AGBL4: variants seen among roughly 807,000 people sequenced by gnomAD.
The protein encoded by AGBL4 is cytosolic carboxypeptidase 6.
A neutral mutation model predicts 66.4 loss-of-function variants in AGBL4; 58 were observed. The ratio of observed to expected loss-of-function variants is 0.87; its 90% CI spans 0.71 to 1.09. The LOEUF (loss-of-function observed/expected upper bound fraction) is 1.09, where lower values mean the gene tolerates loss of function less well. Among genes scored for constraint, AGBL4 ranks in the 50% least tolerant of loss-of-function variants. AGBL4 has a pLI of 0.00. For missense variants in AGBL4, 579 were observed against 631.0 expected, an observed-to-expected ratio of 0.92 and a Z score of 0.88; for synonymous variants, 234 against 222.9, an observed-to-expected ratio of 1.05 and a Z score of -0.44.
intron 4 of AGBL4, among the ~76,000 whole-genome samples, chr1:49,147,171 A>T (rs1427745260): frequency 3.9e-5 from 6 of 152,180 alleles, no homozygotes. Flanking sequence ...ATTCTGCAGA[A>T]TGACATCTGA....
chr1:48,551,687 T>C (rs931639262), intron 11 of AGBL4, among the ~76,000 whole-genome samples: 1 of 152,120 alleles, frequency 6.6e-6, no homozygotes, highest in Non-Finnish European at 1.5e-5. Context: ...TAACATCTTG[T>C]AGGTTTCTTC....
At chr1:49,610,332 C>A (rs1209921820) in intron 3 of AGBL4, among the ~76,000 whole-genome samples, 1 of 152,112 alleles carries the variant, frequency 6.6e-6, no homozygotes, top group Non-Finnish European at 1.5e-5. Flanking sequence ...CCCCAAGCCA[C>A]ACAGCTAGGG....
At chr1:49,549,307 T>G (rs1652765929) in intron 3 of AGBL4, among the ~76,000 whole-genome samples, 2 of 144,134 alleles carry the variant, frequency 1.4e-5, no homozygotes, top group African/African-American at 4.9e-5. Context: ...GGTTATTTCC[T>G]TTTTTTCTGC....
intron 2 of AGBL4, among the ~76,000 whole-genome samples, chr1:49,769,628 T>C (rs940941038): frequency 6.6e-6 from 1 of 151,968 alleles, no homozygotes; most frequent in Non-Finnish European, 1.5e-5. Flanking sequence ...CATAGACCAA[T>C]GGAACAGAAT....
chr1:49,969,812 A>G (rs1287933626), intron 1 of AGBL4, among the ~76,000 whole-genome samples: 1 of 152,208 alleles, frequency 6.6e-6, no homozygotes, highest in Non-Finnish European at 1.5e-5. Flanking sequence ...TGCTTCTTCA[A>G]TGAACATGGG....
At chr1:49,335,748 C>T (rs916548201) in intron 3 of AGBL4, among the ~76,000 whole-genome samples, 1 of 152,266 alleles carries the variant, frequency 6.6e-6, no homozygotes, top group East Asian at 1.9e-4. Flanking sequence ...ATCTCCTGAC[C>T]TTGTGATCCG....
chr1:48,688,323 A>G (rs1646567062), intron 6 of AGBL4, among the ~76,000 whole-genome samples: 1 of 152,086 alleles, frequency 6.6e-6, no homozygotes, highest in East Asian at 1.9e-4. Flanking sequence ...CTCTATTCTC[A>G]GCCCTCCCTA....
intron 2 of AGBL4, among the ~76,000 whole-genome samples, chr1:49,779,099 A>G (rs567132804): frequency 6.6e-6 from 1 of 152,332 alleles, no homozygotes; most frequent in East Asian, 1.9e-4. Context: ...GAAAGGGATA[A>G]TAAGAAAGAG....
intron 6 of AGBL4, among the ~76,000 whole-genome samples, chr1:48,707,461 G>A (rs1646898835): frequency 6.6e-6 from 1 of 152,196 alleles, no homozygotes; most frequent in East Asian, 1.9e-4. Context: ...AGCTTCCATT[G>A]ACACTCTGCC....
intron 6 of AGBL4, among the ~76,000 whole-genome samples, chr1:48,767,289 A>G (rs1644577336): frequency 6.6e-6 from 1 of 152,232 alleles, no homozygotes; most frequent in Non-Finnish European, 1.5e-5. Context: ...GAGATAGTGC[A>G]TGTAAAAGCA....
chr1:49,259,512 C>G (rs1329941789), intron 3 of AGBL4, among the ~76,000 whole-genome samples: 1 of 149,368 alleles, frequency 6.7e-6, no homozygotes, highest in Non-Finnish European at 1.5e-5. Context: ...CAATCCTAGT[C>G]TCTGATAAAA....
intron 3 of AGBL4, among the ~76,000 whole-genome samples, chr1:49,388,368 T>C (rs1427405071): frequency 1.3e-5 from 2 of 151,638 alleles, no homozygotes; most frequent in African/African-American, 2.4e-5. Flanking sequence ...TAACTTAATG[T>C]ACAAAAAAAA....
At chr1:48,759,979 C>T (rs1476322839) in intron 6 of AGBL4, among the ~76,000 whole-genome samples, 1 of 152,140 alleles carries the variant, frequency 6.6e-6, no homozygotes, top group African/African-American at 2.4e-5. Flanking sequence ...TTCAGTTTAA[C>T]TGCCTCATGT....
At chr1:49,218,249 T>C (rs1047425477) in intron 4 of AGBL4, among the ~76,000 whole-genome samples, 3 of 151,962 alleles carry the variant, frequency 2.0e-5, no homozygotes, top group African/African-American at 7.2e-5. Flanking sequence ...GCAAGAACAG[T>C]CAAGTGTTTA....
intron 5 of AGBL4, among the ~76,000 whole-genome samples, chr1:48,921,155 C>T (rs150165691): frequency 2.0e-5 from 3 of 152,194 alleles, no homozygotes; most frequent in Non-Finnish European, 4.4e-5. Context: ...CACTGCAGAA[C>T]TGTAATGGGG....
intron 3 of AGBL4, among the ~76,000 whole-genome samples, chr1:49,659,266 G>A (rs1389694386): frequency 6.6e-6 from 1 of 151,994 alleles, no homozygotes; most frequent in Non-Finnish European, 1.5e-5. Context: ...AAGTCTACAA[G>A]ATAACCAGTT....
At chr1:49,173,202 AAG>A (rs1646770749) in intron 4 of AGBL4, among the ~76,000 whole-genome samples, 1 of 152,200 alleles carries the variant, frequency 6.6e-6, no homozygotes, top group South Asian at 2.1e-4. Flanking sequence ...AGAAAGGAAA[AAG>A]AACAATCTTT....
chr1:50,006,359 TAG>T (rs902328565), intron 1 of AGBL4, among the ~76,000 whole-genome samples: 3 of 135,698 alleles, frequency 2.2e-5, no homozygotes, highest in Non-Finnish European at 4.8e-5. Context: ...AAAAAGGAGG[TAG>T]AGAGAGAGAG....
chr1:49,673,465 T>C (rs1646519508), intron 3 of AGBL4, among the ~76,000 whole-genome samples: 1 of 152,174 alleles, frequency 6.6e-6, no homozygotes, highest in South Asian at 2.1e-4. Flanking sequence ...AATTGCATTG[T>C]TTGTAACTCA....
Sources: allele counts gnomAD v4.1 joint callset (sites outside exome capture counted in the v4.1 genomes callset), GRCh38; gene constraint gnomAD v4.1.1; transcripts MANE v1.5; gene names NCBI Gene and HGNC (gene_info 2026-07-23, HGNC 2026-07-21).